KSR2: variants seen among roughly 807,000 people sequenced by gnomAD.
KSR2 encodes kinase suppressor of ras 2.
A neutral mutation model predicts 107.8 loss-of-function variants in KSR2; 25 were observed. The ratio of observed to expected loss-of-function variants is 0.23; its 90% CI spans 0.17 to 0.32. KSR2 has a LOEUF of 0.32. KSR2 is among the 10% of genes least tolerant of loss of function. The probability of loss-of-function intolerance (pLI) is 1.00; values close to 1 mark genes in which losing one functional copy is unlikely to be tolerated. For missense variants in KSR2, 887 were observed against 1,268.9 expected, an observed-to-expected ratio of 0.70 and a Z score of 4.57; for synonymous variants, 480 against 507.0, an observed-to-expected ratio of 0.95 and a Z score of 0.71.
At chr12:117,906,901 C>T (rs1894871199) in intron 1 of KSR2, among the ~76,000 whole-genome samples, 1 of 151,984 alleles carries the variant, frequency 6.6e-6, no homozygotes, top group African/African-American at 2.4e-5. Context: ...GTGGCACACG[C>T]CTGTAGTCCT....
At chr12:117,908,958 T>C (rs11068734) in intron 1 of KSR2, among the ~76,000 whole-genome samples, 14,239 of 152,128 alleles carry the variant, frequency 0.094, 1,078 homozygotes, top group African/African-American at 0.21. Context: ...TCTAGTCCAA[T>C]CCAATTTTGC....
At chr12:117,899,214 T>C (rs991409115) in intron 1 of KSR2, among the ~76,000 whole-genome samples, 1 of 152,048 alleles carries the variant, frequency 6.6e-6, no homozygotes, top group African/African-American at 2.4e-5. Context: ...TTAAACACGG[T>C]TGGGCACGGT....
intron 5 of KSR2, among the ~76,000 whole-genome samples, chr12:117,644,265 A>G (rs533925029): frequency 4.0e-4 from 61 of 152,340 alleles, no homozygotes; most frequent in Middle Eastern, 6.8e-3. Flanking sequence ...TGTAAATTAC[A>G]TGGATCATAT....
intron 3 of KSR2, among the ~76,000 whole-genome samples, chr12:117,810,644 G>A (rs1220616306): frequency 6.6e-6 from 1 of 152,132 alleles, no homozygotes. Flanking sequence ...TATCCGACTG[G>A]CAATTAAATT....
intron 14 of KSR2, among the ~76,000 whole-genome samples, chr12:117,513,252 A>G (rs1488873400): frequency 6.6e-6 from 1 of 152,230 alleles, no homozygotes; most frequent in Non-Finnish European, 1.5e-5. Context: ...TGATTGAGGA[A>G]AGCAGTATTC....
At position 117,907,920 on chromosome 12, in the gene KSR2, CA is replaced by C. The variant is rs2137417919; in HGVS notation, c.181-47490del. Among the ~76,000 whole-genome samples, 1 of 151,984 alleles carries C rather than the reference CA, an allele frequency of 6.6e-6. No homozygotes were observed. The highest frequency in any genetic ancestry group is 2.1e-4 in the South Asian group (1 of 4,810). The stretch of plus-strand genomic sequence containing the variant: ...GCTTGTCTTATAGAGAGAAAAAAAT[CA>C]ACTAGAAGTCTCTACTGAGGGCTGG... On this transcript the variant is annotated intron_variant, in intron 1 of 19. Coordinates refer to ENST00000339824, the MANE Select transcript of KSR2 (RefSeq NM_173598.6). The surrounding 1 kb of genome is among the most constrained non-coding windows in gnomAD (Gnocchi z 4.3).
At chr12:117,519,486 C>G (rs569319935) in intron 14 of KSR2, among the ~76,000 whole-genome samples, 15 of 152,058 alleles carry the variant, frequency 9.9e-5, no homozygotes, top group Non-Finnish European at 2.1e-4. Context: ...ACAGGTAAGG[C>G]TGGTTAGGGA....
At chr12:117,831,691 T>C (rs771009960) in intron 3 of KSR2, among the ~76,000 whole-genome samples, 14 of 152,218 alleles carry the variant, frequency 9.2e-5, no homozygotes, top group Non-Finnish European at 1.9e-4. Context: ...TATATTTGAT[T>C]TCACTTAATC....
intron 14 of KSR2, among the ~76,000 whole-genome samples, chr12:117,513,402 C>A (rs1424902771): frequency 6.6e-6 from 1 of 152,178 alleles, no homozygotes; most frequent in East Asian, 1.9e-4. Context: ...CAACTGGAGC[C>A]AGGTTGGGAA....
At chr12:117,803,783 G>A (rs1260029427) in intron 3 of KSR2, among the ~76,000 whole-genome samples, 1 of 152,166 alleles carries the variant, frequency 6.6e-6, no homozygotes, top group African/African-American at 2.4e-5. Context: ...TTCCGGCCAT[G>A]CATTTAATCC....
At chr12:117,671,954 C>A (rs972419596) in intron 4 of KSR2, among the ~76,000 whole-genome samples, 11 of 152,344 alleles carry the variant, frequency 7.2e-5, no homozygotes, top group Middle Eastern at 3.4e-3. Flanking sequence ...TTAAAAGCCC[C>A]ACTGTGAAGG....
chr12:117,791,952 A>C (rs546511978), intron 3 of KSR2, among the ~76,000 whole-genome samples: 2 of 152,298 alleles, frequency 1.3e-5, no homozygotes, highest in South Asian at 4.2e-4. Context: ...CTATGCCCAC[A>C]ATGAGTGCCC....
chr12:117,780,941 C>T (rs1341292351), intron 3 of KSR2, among the ~76,000 whole-genome samples: 1 of 152,154 alleles, frequency 6.6e-6, no homozygotes, highest in Non-Finnish European at 1.5e-5. Flanking sequence ...TAAGGAAGAA[C>T]ATTTGCACTG....
chr12:117,691,591 A>G (rs1402077127), intron 4 of KSR2, among the ~76,000 whole-genome samples: 2 of 152,244 alleles, frequency 1.3e-5, no homozygotes, highest in Non-Finnish European at 2.9e-5. Context: ...GGCCAGAGCC[A>G]TCACATCAAG....
chr12:117,809,309 T>C (rs374552415), intron 3 of KSR2, among the ~76,000 whole-genome samples: 32 of 152,252 alleles, frequency 2.1e-4, no homozygotes, highest in Admixed American at 7.2e-4. Flanking sequence ...TCTGGCTAAT[T>C]CTTTGTTGAT....
At chr12:117,796,497 C>A (rs1208681724) in intron 3 of KSR2, among the ~76,000 whole-genome samples, 3 of 152,176 alleles carry the variant, frequency 2.0e-5, no homozygotes, top group Non-Finnish European at 4.4e-5. Context: ...ATGCTACATT[C>A]GTGGAAGCTC....
intron 10 of KSR2, among the ~76,000 whole-genome samples, chr12:117,535,724 G>C (rs985127902): frequency 2.6e-5 from 4 of 151,846 alleles, no homozygotes; most frequent in African/African-American, 9.7e-5. Flanking sequence ...GAACACTCCA[G>C]CCTCAGAAAC....
intron 1 of KSR2, among the ~76,000 whole-genome samples, chr12:117,867,159 T>C (rs1893501570): frequency 6.6e-6 from 1 of 151,732 alleles, no homozygotes; most frequent in Non-Finnish European, 1.5e-5. Flanking sequence ...CTACTAAAAA[T>C]ACAAAAATGA....
At chr12:117,739,203 A>C (rs529124193) in intron 4 of KSR2, among the ~76,000 whole-genome samples, 1 of 152,022 alleles carries the variant, frequency 6.6e-6, no homozygotes, top group East Asian at 2.0e-4. Context: ...AAAATACAAA[A>C]AATTAGCCGG....
Sources: gnomAD v4.1 joint callset for allele counts (sites outside exome capture counted in the v4.1 genomes callset) on GRCh38, gnomAD v4.1.1 for gene constraint, Gnocchi (gnomAD v3.1) non-coding constraint, MANE v1.5 for transcripts, NCBI Gene and HGNC (gene_info 2026-07-23, HGNC 2026-07-21) for gene names.